PCMTD1: variants seen among roughly 807,000 people sequenced by gnomAD.
PCMTD1 encodes protein-L-isoaspartate (D-aspartate) O-methyltransferase domain containing 1, also known as protein-L-isoaspartate O-methyltransferase domain-containing protein 1.
In PCMTD1, 12 loss-of-function variants were observed where a neutral mutation model predicts 37.6. The ratio of observed to expected loss-of-function variants is 0.32; its 90% CI spans 0.20 to 0.52. The LOEUF (loss-of-function observed/expected upper bound fraction) is 0.52, where lower values mean the gene tolerates loss of function less well. Ranked by LOEUF, PCMTD1 falls within the 20% of genes least tolerant of loss-of-function variation. The pLI is 0.97. For missense variants in PCMTD1, 235 were observed against 421.3 expected, an observed-to-expected ratio of 0.56 and a Z score of 3.87; for synonymous variants, 117 against 135.8, an observed-to-expected ratio of 0.86 and a Z score of 0.96.
chr8:51,886,805 G>C (rs1206675479), intron 1 of PCMTD1, among the ~76,000 whole-genome samples: 1 of 152,180 alleles, frequency 6.6e-6, no homozygotes, highest in Non-Finnish European at 1.5e-5. Flanking sequence ...AACCACACAA[G>C]TTTATTATCT....
chr8:51,864,546 A>G (rs2038522575), intron 1 of PCMTD1, among the ~76,000 whole-genome samples: 1 of 152,256 alleles, frequency 6.6e-6, no homozygotes, highest in South Asian at 2.1e-4. Flanking sequence ...GAATGAAACC[A>G]GAAACCAGTA....
At chr8:51,842,405 A>G (rs1403826705) in intron 3 of PCMTD1, among the ~76,000 whole-genome samples, 1 of 152,060 alleles carries the variant, frequency 6.6e-6, no homozygotes, top group Non-Finnish European at 1.5e-5. Flanking sequence ...ATCTTGGCTT[A>G]CTGCAACCTC....
At chr8:51,875,962 C>CTGTG (rs982300718) in intron 1 of PCMTD1, among the ~76,000 whole-genome samples, 1 of 86,664 alleles carries the variant, frequency 1.2e-5, no homozygotes, top group East Asian at 3.6e-4. Context: ...GTGTGTGTGT[C>CTGTG]TGTGTGTGTG....
chr8:51,862,732 A>G (rs1268996484), intron 1 of PCMTD1, among the ~76,000 whole-genome samples: 2 of 152,098 alleles, frequency 1.3e-5, no homozygotes, highest in Non-Finnish European at 2.9e-5. Context: ...AGCCTATCAT[A>G]TTGTCTTTGT....
At chr8:51,885,826 G>A (rs562083631) in intron 1 of PCMTD1, among the ~76,000 whole-genome samples, 2 of 152,238 alleles carry the variant, frequency 1.3e-5, no homozygotes, top group South Asian at 2.1e-4. Flanking sequence ...AGGGGCATAC[G>A]TTGTTTGTGC....
Position 51,818,026 on chromosome 8 carries a change from T to A in PCMTD1, c.*2325A>T. On this transcript the variant is annotated 3_prime_UTR_variant, in exon 6 of 6. Transcript: ENST00000522514. ...ATCATTTTCACTTACTTTTACTTAA[T>A]CTTTATTTGCTACTTTTCCACCTAT... is the stretch of plus-strand genomic sequence containing the variant. 4.5e-6 allele frequency: 2 copies of A among 443,018 alleles called. No homozygotes were observed. The highest frequency in any genetic ancestry group is 2.4e-5 in the Admixed American group (1 of 41,014). The allele number at this position is 443,018 out of a possible 1,614,324, so 27.4% of individuals were successfully genotyped here.
chr8:51,874,118 T>C (rs2038679063), intron 1 of PCMTD1, among the ~76,000 whole-genome samples: 1 of 152,094 alleles, frequency 6.6e-6, no homozygotes, highest in African/African-American at 2.4e-5. Context: ...CAAGATGGTC[T>C]TGATCTCCTC....
At chr8:51,820,959 C>T (rs4418330) in intron 5 of PCMTD1, among the ~76,000 whole-genome samples, 146,697 of 152,308 alleles carry the variant, frequency 0.96, 70,744 homozygotes, top group East Asian at 1. Flanking sequence ...TTGGCATTTA[C>T]ATGCATAAAA....
chr8:51,883,132 G>A (rs998451890), intron 1 of PCMTD1, among the ~76,000 whole-genome samples: 1 of 151,622 alleles, frequency 6.6e-6, no homozygotes, highest in Non-Finnish European at 1.5e-5. Flanking sequence ...GCGAGATTCC[G>A]TCTCAAAAAA....
At chr8:51,839,783 C>T (rs183076284) in intron 3 of PCMTD1, 4 of 269,614 alleles carry the variant, frequency 1.5e-5, no homozygotes, top group East Asian at 3.5e-4. Context: ...ATTTCAAGGA[C>T]GTGGAAAAGA....
chr8:51,839,478 T>C, intron 3 of PCMTD1: 3 of 985,458 alleles, frequency 3.0e-6, no homozygotes, highest in Non-Finnish European at 3.6e-6. Context: ...AGGTGCATGT[T>C]GGAATATCTT....
intron 1 of PCMTD1, among the ~76,000 whole-genome samples, chr8:51,885,462 G>A (rs2176120): frequency 0.12 from 17,892 of 152,166 alleles, 1,294 homozygotes; most frequent in East Asian, 0.17. Flanking sequence ...TTTTAGACAG[G>A]AGGATGCCTT....
Position 51,818,250 on chromosome 8 carries a change from T to C in PCMTD1, c.*2101A>G, listed in dbSNP as rs2037788442. ...TGCATTTAAAAACATAAAAGATACA[T>C]TTCAATGACAAGAAATATGCAATGA... On this transcript the variant is annotated 3_prime_UTR_variant, in exon 6 of 6. Coordinates refer to ENST00000522514, the MANE Select transcript of PCMTD1 (RefSeq NM_052937.4). The C allele has an allele frequency of 7.0e-6, 2 of 286,112 alleles. No homozygotes were observed. The highest frequency in any genetic ancestry group is 6.8e-6 in the Non-Finnish European group (1 of 147,746). The allele number at this position is 286,112 out of a possible 1,614,324, so 17.7% of individuals were successfully genotyped here. A position where few individuals can be genotyped will look rare whatever the true frequency, so the allele number is the denominator to read the frequency against.
intron 1 of PCMTD1, among the ~76,000 whole-genome samples, chr8:51,882,418 A>C (rs757702797): frequency 3.3e-5 from 5 of 151,978 alleles, no homozygotes; most frequent in Non-Finnish European, 7.4e-5. Flanking sequence ...TTTTAGGGGG[A>C]CATGAACATT....
chr8:51,879,257 G>A (rs1187560061), intron 1 of PCMTD1, among the ~76,000 whole-genome samples: 1 of 151,492 alleles, frequency 6.6e-6, no homozygotes, highest in Non-Finnish European at 1.5e-5. Context: ...ATCACCTTAG[G>A]AATGAATGTC....
intron 5 of PCMTD1, among the ~76,000 whole-genome samples, chr8:51,830,329 G>T (rs547845647): frequency 6.6e-6 from 1 of 152,134 alleles, no homozygotes; most frequent in Admixed American, 6.5e-5. Context: ...AAGCAGGTTC[G>T]TGCCACCTGA....
chr8:51,863,311 C>T (rs1048038900), intron 1 of PCMTD1, among the ~76,000 whole-genome samples: 8 of 152,188 alleles, frequency 5.3e-5, no homozygotes, highest in Admixed American at 5.2e-4. Flanking sequence ...CTCCTTAGGT[C>T]CTTCTGAATT....
intron 5 of PCMTD1, among the ~76,000 whole-genome samples, chr8:51,824,853 C>G (rs1469948295): frequency 6.6e-6 from 1 of 152,130 alleles, no homozygotes; most frequent in Non-Finnish European, 1.5e-5. Context: ...GATATACAGA[C>G]CAATGGAAGA....
intron 5 of PCMTD1, among the ~76,000 whole-genome samples, chr8:51,829,375 T>TA (rs2037967999): frequency 6.6e-6 from 1 of 152,222 alleles, no homozygotes; most frequent in African/African-American, 2.4e-5. Context: ...GAGGAACGGC[T>TA]AGGCTTGTAT....
Sources: allele counts gnomAD v4.1 joint callset (sites outside exome capture counted in the v4.1 genomes callset), GRCh38; gene constraint gnomAD v4.1.1; transcripts MANE v1.5; gene names NCBI Gene and HGNC (gene_info 2026-07-23, HGNC 2026-07-21).